The following C12orf42 variants were observed in gnomAD, a reference collection of about 807,000 sequenced individuals.
The protein encoded by C12orf42 is uncharacterized protein C12orf42.
In C12orf42, 25 loss-of-function variants were observed where a neutral mutation model predicts 21.6. The observed-to-expected ratio is 1.16, with a 90% confidence interval of 0.84 to 1.62. The LOEUF is 1.62. Ranked by LOEUF, C12orf42 falls within the 40% of genes most tolerant of loss-of-function variation. The probability of loss-of-function intolerance (pLI) is 0.00; values close to 1 mark genes in which losing one functional copy is unlikely to be tolerated. For synonymous variants in C12orf42, 174 were observed against 175.0 expected (o/e 0.99, Z 0.05); for missense variants, 483 against 459.3 (o/e 1.05, Z -0.47).
At chr12:103,419,051 C>A (rs189618876) in intron 2 of C12orf42, among the ~76,000 whole-genome samples, 1 of 152,144 alleles carries the variant, frequency 6.6e-6, no homozygotes, top group Admixed American at 6.5e-5. Context: ...GCCATCCAAA[C>A]TTAGATCTGG....
At chr12:103,482,768 T>A (rs1393825312) in intron 1 of C12orf42, among the ~76,000 whole-genome samples, 1 of 152,130 alleles carries the variant, frequency 6.6e-6, no homozygotes, top group East Asian at 1.9e-4. Flanking sequence ...ATTTTCCATG[T>A]CTTTTCACTT....
the C12orf42 span, among the ~76,000 whole-genome samples, chr12:103,188,496 A>G: frequency 1.3e-5 from 2 of 152,062 alleles, no homozygotes; most frequent in African/African-American, 4.8e-5. Flanking sequence ...ACTATGCGAT[A>G]TGGTTTGGAT....
At chr12:103,296,067 A>G (rs538423678) in intron 4 of C12orf42, among the ~76,000 whole-genome samples, 3 of 137,044 alleles carry the variant, frequency 2.2e-5, no homozygotes, top group Non-Finnish European at 4.5e-5. Flanking sequence ...CCTGTGTCCA[A>G]GTGTTCTCAT....
the C12orf42 span, chr12:103,504,734 C>G: frequency 6.5e-6 from 1 of 153,298 alleles, no homozygotes; most frequent in African/African-American, 2.4e-5. Flanking sequence ...CTGCTAAAGA[C>G]GAATAACTAT....
upstream of C12orf42, among the ~76,000 whole-genome samples, chr12:103,499,182 T>C (rs1448485786): frequency 2.0e-5 from 3 of 152,068 alleles, no homozygotes; most frequent in Non-Finnish European, 4.4e-5. Flanking sequence ...GTTCTGGTGA[T>C]CTAATATACA....
At chr12:103,446,100 A>G (rs1951559128) in intron 2 of C12orf42, among the ~76,000 whole-genome samples, 2 of 152,028 alleles carry the variant, frequency 1.3e-5, no homozygotes, top group East Asian at 3.9e-4. Context: ...AGCAATTTAC[A>G]TATTATGCCA....
At chr12:103,527,183 A>C in the C12orf42 span, among the ~76,000 whole-genome samples, 1 of 152,036 alleles carries the variant, frequency 6.6e-6, no homozygotes, top group Non-Finnish European at 1.5e-5. Context: ...TTACCAAAAA[A>C]ATTTCAGAAA....
chr12:103,387,617 T>A (rs768122467), intron 3 of C12orf42, among the ~76,000 whole-genome samples: 17 of 152,210 alleles, frequency 1.1e-4, no homozygotes, highest in Non-Finnish European at 1.8e-4. Flanking sequence ...GGAGAAAGTG[T>A]CCTCTTCTAC....
At chr12:103,291,386 A>T (rs1259163011) in intron 4 of C12orf42, among the ~76,000 whole-genome samples, 1 of 152,212 alleles carries the variant, frequency 6.6e-6, no homozygotes, top group Non-Finnish European at 1.5e-5. Flanking sequence ...GCCTCAGCCC[A>T]CAGCAGTTGT....
At chr12:103,057,897 T>G in the C12orf42 span, among the ~76,000 whole-genome samples, 7 of 152,064 alleles carry the variant, frequency 4.6e-5, no homozygotes, top group Non-Finnish European at 1.0e-4. Flanking sequence ...CCATTCTGAC[T>G]AGCAGGAAAT....
the C12orf42 span, among the ~76,000 whole-genome samples, chr12:103,101,974 G>A: frequency 7.2e-5 from 11 of 152,338 alleles, no homozygotes; most frequent in East Asian, 1.9e-3. Context: ...AAGAGAAAGA[G>A]CAAAGGTGTT....
Position 103,302,194 on chromosome 12 carries a change from A to G in C12orf42, c.997T>C (p.Ser333Pro). ...CGCCGGGTTGGGCGGGGGGGTGCTG[A>G]GGAGCAAACCTTTATTAACCTCTTG... is the stretch of plus-strand genomic sequence containing the variant. ...PSKRLIKVCS[S>P]APPRPTRRFH... Residue 333 changes from serine to proline, a missense_variant, in exon 6 of 6, where the codon TCA (serine) becomes CCA (proline). Coordinates refer to ENST00000548883, the MANE Select transcript of C12orf42 (RefSeq NM_198521.5). 1 of 1,612,742 alleles carries G rather than the reference A, an allele frequency of 6.2e-7. No homozygotes were observed. Among genetic ancestry groups the G allele is most frequent in the Non-Finnish European group, 8.5e-7 (1 of 1,179,436 alleles).
At chr12:103,304,198 A>G (rs1341742806) in intron 5 of C12orf42, among the ~76,000 whole-genome samples, 7 of 152,204 alleles carry the variant, frequency 4.6e-5, no homozygotes, top group Non-Finnish European at 1.0e-4. Context: ...AAAGATGGGA[A>G]TTATATTACC....
the C12orf42 span, among the ~76,000 whole-genome samples, chr12:103,130,935 C>T: frequency 6.6e-6 from 1 of 152,210 alleles, no homozygotes; most frequent in African/African-American, 2.4e-5. Flanking sequence ...AAAATCTGGT[C>T]CACGTATACC....
At chr12:103,328,500 A>G (rs1481616622) in intron 4 of C12orf42, among the ~76,000 whole-genome samples, 2 of 152,222 alleles carry the variant, frequency 1.3e-5, no homozygotes, top group African/African-American at 2.4e-5. Flanking sequence ...ACAAGATTTT[A>G]TTAAAGTCAT....
the C12orf42 span, among the ~76,000 whole-genome samples, chr12:103,552,426 T>C: frequency 2.0e-5 from 3 of 152,322 alleles, no homozygotes; most frequent in South Asian, 2.1e-4. Context: ...GGAATTTTCA[T>C]CAATACTGAC....
At chr12:103,129,080 C>A in the C12orf42 span, among the ~76,000 whole-genome samples, 2 of 152,128 alleles carry the variant, frequency 1.3e-5, no homozygotes, top group African/African-American at 4.8e-5. Flanking sequence ...GTGTTCTCAG[C>A]AATCTGTCTC....
chr12:103,083,951 G>A, the C12orf42 span, among the ~76,000 whole-genome samples: 1 of 152,144 alleles, frequency 6.6e-6, no homozygotes, highest in African/African-American at 2.4e-5. Flanking sequence ...AATTCATATA[G>A]TGTTGTACAT....
the C12orf42 span, among the ~76,000 whole-genome samples, chr12:103,223,871 G>A: frequency 6.6e-6 from 1 of 152,214 alleles, no homozygotes. Context: ...TGGTGGCTGA[G>A]CTTGGTGAGG....
Sources: gnomAD v4.1 joint callset for allele counts (sites outside exome capture counted in the v4.1 genomes callset) on GRCh38, gnomAD v4.1.1 for gene constraint, MANE v1.5 for transcripts, NCBI Gene and HGNC (gene_info 2026-07-23, HGNC 2026-07-21) for gene names.